Variants in KLHDC1 observed in about 807,000 individuals in gnomAD.
The protein encoded by KLHDC1 is kelch domain-containing protein 1.
KLHDC1 carries 53 observed loss-of-function variants against 68.3 expected under a neutral mutation model. The observed-to-expected ratio is 0.78, with a 90% confidence interval of 0.62 to 0.98. The LOEUF is 0.98. KLHDC1 is among the 50% of genes least tolerant of loss of function. The pLI, the probability that KLHDC1 is intolerant of heterozygous loss-of-function variation, is 0.00. For synonymous variants in KLHDC1, 148 were observed against 159.0 expected (o/e 0.93, Z 0.52); for missense variants, 470 against 492.3 (o/e 0.95, Z 0.43).
intron 5 of KLHDC1, among the ~76,000 whole-genome samples, chr14:49,724,799 G>A (rs1322956737): frequency 6.7e-6 from 1 of 148,446 alleles, no homozygotes; most frequent in East Asian, 1.9e-4. Context: ...TAATTATCAT[G>A]TCCTGAAGTT....
chr14:49,744,292 ATGTGTGTGTGTGTGTG>A (rs36219162), intron 12 of KLHDC1, among the ~76,000 whole-genome samples: 4 of 150,632 alleles, frequency 2.7e-5, no homozygotes, highest in Non-Finnish European at 5.9e-5. Context: ...GCCTGTATAT[ATGTGTGTGTGTGTGTG>A]TGTGTGTGTG....
At chr14:49,700,033 T>TC (rs1887856761) in intron 1 of KLHDC1, 1 of 267,502 alleles carries the variant, frequency 3.7e-6, no homozygotes, top group Non-Finnish European at 7.5e-6. Context: ...TGTGAACCTT[T>TC]TTTTTTTTTT....
At position 49,695,863 on chromosome 14, in the gene KLHDC1, G is replaced by C. The variant is rs746915462; in HGVS notation, c.96+2573G>C. 6.4e-4 allele frequency among the ~76,000 whole-genome samples: 97 copies of C among 152,240 alleles called. 2 individuals carry two copies. In the Middle Eastern group the frequency reaches 0.01, roughly 16 times the overall value. ...GCGGATCACAAAGTCAGGAGATCAA[G>C]ACCATCCTGGCTAACATGGTGAAAC... On this transcript the variant is annotated intron_variant, in intron 1 of 12. Transcript: ENST00000359332.
chr14:49,693,366 C>A lies in KLHDC1; in HGVS notation c.96+76C>A, dbSNP rs544509244. On this transcript the variant is annotated intron_variant, in intron 1 of 12. Coordinates refer to ENST00000359332, the MANE Select transcript of KLHDC1 (RefSeq NM_172193.3). The stretch of plus-strand genomic sequence containing the variant: ...CTGAGCGGACGCAGCGCCCGCCACA[C>A]CCGCTCCCGAGGCTGCGGCCCAGGC... 1.5e-3 allele frequency: 1,589 copies of A among 1,095,154 alleles called. 8 individuals are homozygous for A. In the African/African-American group the frequency reaches 0.016, roughly 11 times the overall value. The allele number at this position is 1,095,154 out of a possible 1,614,324, so 67.8% of individuals were successfully genotyped here. A position where few individuals can be genotyped will look rare whatever the true frequency, so the allele number is the denominator to read the frequency against.
Position 49,709,187 on chromosome 14 carries a change from C to G in KLHDC1, c.125C>G (p.Pro42Arg). The G allele has an allele frequency of 7.2e-7, 1 of 1,384,372 alleles. No homozygotes were observed. The highest frequency in any genetic ancestry group is 1.0e-6 in the Non-Finnish European group (1 of 987,920). The allele number at this position is 1,384,372 out of a possible 1,614,324, so 85.8% of individuals were successfully genotyped here. A position where few individuals can be genotyped will look rare whatever the true frequency, so the allele number is the denominator to read the frequency against. Residue 42 changes from proline to arginine, a missense_variant, in exon 2 of 13, where the codon CCT becomes CGT. Physicochemically the swap from Pro to Arg is moderately radical, Grantham distance 103. Transcript: ENST00000359332. ...ATTGAAGACAATGAAGTATATTTGC[C>G]TAATGATGAAATTTGGACCTATGAT... ...VSIEDNEVYL[P>R]NDEIWTYDID... is the part of the protein sequence containing the mutation.
At chr14:49,747,846 T>G (rs931286018) in intron 12 of KLHDC1, among the ~76,000 whole-genome samples, 2 of 152,086 alleles carry the variant, frequency 1.3e-5, no homozygotes, top group Admixed American at 6.6e-5. Context: ...ACTAAACAGC[T>G]GGGTCGCAGG....
chr14:49,739,026 GTTC>G (rs1224081354), intron 10 of KLHDC1, among the ~76,000 whole-genome samples: 1 of 152,216 alleles, frequency 6.6e-6, no homozygotes, highest in Non-Finnish European at 1.5e-5. Flanking sequence ...ATGCAGAGCA[GTTC>G]TTCTTCAAAT....
rs1594639980 is a variant in KLHDC1 at position 49,693,284 on chromosome 14, C to T, written c.90C>T (p.Gly30=). The change falls in exon 1 of 13, where the codon GGC becomes GGT. Residue 30 remains glycine (G), a synonymous_variant. Coordinates refer to ENST00000359332, the MANE Select transcript of KLHDC1 (RefSeq NM_172193.3). The part of the protein sequence containing the change: ...VDGNFLYVWG[G]YVSIEDNEVY... The stretch of plus-strand genomic sequence containing the variant: ...GAAACTTCCTCTACGTGTGGGGGGG[C>T]TACGTGGTAAGGGGAAGAGGCGGGA... The T allele has an allele frequency of 6.5e-7, 1 of 1,547,122 alleles. No homozygotes were observed. The highest frequency in any genetic ancestry group is 8.7e-7 in the Non-Finnish European group (1 of 1,147,874).
intron 12 of KLHDC1, among the ~76,000 whole-genome samples, chr14:49,746,323 G>A (rs1249103198): frequency 1.3e-5 from 2 of 152,184 alleles, no homozygotes; most frequent in Non-Finnish European, 2.9e-5. Flanking sequence ...GAATTAGTAA[G>A]TGTGGATTAG....
At chr14:49,694,769 A>G (rs564392171) in intron 1 of KLHDC1, among the ~76,000 whole-genome samples, 1 of 152,188 alleles carries the variant, frequency 6.6e-6, no homozygotes, top group East Asian at 1.9e-4. Context: ...CAGGAGAATC[A>G]CTTGGACCCG....
At chr14:49,741,656 T>A (rs1396528349) in intron 11 of KLHDC1, among the ~76,000 whole-genome samples, 1 of 152,172 alleles carries the variant, frequency 6.6e-6, no homozygotes, top group Non-Finnish European at 1.5e-5. Flanking sequence ...TCAGCTGTTT[T>A]ACATTTAAGT....
chr14:49,703,158 C>G (rs193100630), intron 1 of KLHDC1, among the ~76,000 whole-genome samples: 13 of 151,634 alleles, frequency 8.6e-5, no homozygotes, highest in African/African-American at 1.7e-4. Context: ...ATAAACAATA[C>G]CTTTATTGTT....
intron 1 of KLHDC1, among the ~76,000 whole-genome samples, chr14:49,704,179 A>G (rs1887982835): frequency 6.6e-6 from 1 of 151,836 alleles, no homozygotes; most frequent in Non-Finnish European, 1.5e-5. Flanking sequence ...TTTTGTTTTC[A>G]TTTCCCTTGG....
intron 6 of KLHDC1, among the ~76,000 whole-genome samples, chr14:49,727,952 T>C (rs1280028708): frequency 6.6e-6 from 1 of 152,124 alleles, no homozygotes; most frequent in African/African-American, 2.4e-5. Context: ...CATGAAAATA[T>C]GGAAATTATG....
chr14:49,717,150 A>G (rs1224588935), intron 4 of KLHDC1, among the ~76,000 whole-genome samples: 5 of 152,036 alleles, frequency 3.3e-5, no homozygotes, highest in African/African-American at 7.2e-5. Context: ...CCTTTTCGCT[A>G]TTTGTGAATA....
Position 49,693,269 on chromosome 14 carries a change from C to G in KLHDC1, c.75C>G (p.Leu25=). 6.4e-7 allele frequency: 1 copy of G among 1,561,040 alleles called. No homozygotes were observed. ...GHCAVVDGNF[L]YVWGGYVSIE... ...GCGCCGTGGTGGACGGAAACTTCCT[C>G]TACGTGTGGGGGGGCTACGTGGTAA... The change falls in exon 1 of 13, where the codon CTC becomes CTG. Residue 25 remains leucine, a synonymous_variant. Transcript: ENST00000359332.
At position 49,732,756 on chromosome 14, in the gene KLHDC1, C is replaced by G; in HGVS notation, c.763C>G (p.Pro255Ala). ...PKHRSWHTLT[P>A]IADDKLFLCG... Reference sequence around the variant, plus strand: ...ACATCGGTCATGGCATACTTTAACACCTATAGCTGATGATAAACTTTTCCT... The same window carrying G: ...ACATCGGTCATGGCATACTTTAACAGCTATAGCTGATGATAAACTTTTCCT... The change falls in exon 9 of 13, where the codon CCT becomes GCT. Residue 255 changes from proline to alanine, a missense_variant. Physicochemically the swap from Pro to Ala is conservative, Grantham distance 27. Transcript: ENST00000359332. 1 of 1,610,356 alleles carries G rather than the reference C, an allele frequency of 6.2e-7. No homozygotes were observed. Among genetic ancestry groups the G allele is most frequent in the Non-Finnish European group, 8.5e-7 (1 of 1,176,886 alleles).
chr14:49,711,839 A>T (rs1888207904), intron 4 of KLHDC1, among the ~76,000 whole-genome samples: 1 of 149,752 alleles, frequency 6.7e-6, no homozygotes, highest in Admixed American at 6.7e-5. Flanking sequence ...TTTTTAAACA[A>T]TTTGTTCAGT....
intron 10 of KLHDC1, among the ~76,000 whole-genome samples, chr14:49,739,697 G>T (rs1403950520): frequency 6.6e-6 from 1 of 152,082 alleles, no homozygotes; most frequent in African/African-American, 2.4e-5. Flanking sequence ...TTCACTGCAG[G>T]GATAATATGT....
Sources: allele counts gnomAD v4.1 joint callset (sites outside exome capture counted in the v4.1 genomes callset), GRCh38; gene constraint gnomAD v4.1.1; transcripts MANE v1.5; gene names NCBI Gene and HGNC (gene_info 2026-07-23, HGNC 2026-07-21).